The following DLG2 variants were observed in gnomAD, a reference collection of about 807,000 sequenced individuals.
The protein encoded by DLG2 is disks large homolog 2.
Under a neutral mutation model 132.5 loss-of-function variants are expected in DLG2, and 45 were observed. That is an observed-to-expected ratio of 0.34 (90% CI 0.27 to 0.44). The LOEUF (loss-of-function observed/expected upper bound fraction) is 0.44. Ranked by LOEUF, DLG2 falls within the 20% of genes least tolerant of loss-of-function variation. The pLI is 1.00. For missense variants in DLG2, 1,045 were observed against 1,196.9 expected, an observed-to-expected ratio of 0.87 and a Z score of 1.87; for synonymous variants, 424 against 419.6, an observed-to-expected ratio of 1.01 and a Z score of -0.13.
chr11:84,483,891 C>T (rs768443017), intron 7 of DLG2, among the ~76,000 whole-genome samples: 1 of 152,122 alleles, frequency 6.6e-6, no homozygotes, highest in Non-Finnish European at 1.5e-5. Flanking sequence ...CAACTCTTGC[C>T]AGAGGCAAGG....
chr11:84,830,125 G>A (rs2078840564), intron 6 of DLG2, among the ~76,000 whole-genome samples: 1 of 151,606 alleles, frequency 6.6e-6, no homozygotes, highest in African/African-American at 2.4e-5. Flanking sequence ...ATTATGCTTA[G>A]TGATATTTAC....
intron 6 of DLG2, among the ~76,000 whole-genome samples, chr11:85,078,761 G>T (rs191226488): frequency 6.4e-4 from 97 of 152,154 alleles, no homozygotes; most frequent in Non-Finnish European, 1.2e-3. Flanking sequence ...AGGTTAAGAT[G>T]AGAACTGAGA....
intron 6 of DLG2, among the ~76,000 whole-genome samples, chr11:84,692,920 C>T (rs55889308): frequency 0.015 from 2,225 of 151,792 alleles, 64 homozygotes; most frequent in African/African-American, 0.05. Flanking sequence ...TTCACTACAA[C>T]GGAAAGGGAA....
At chr11:84,908,388 T>C (rs751973553) in intron 6 of DLG2, among the ~76,000 whole-genome samples, 1 of 152,170 alleles carries the variant, frequency 6.6e-6, no homozygotes, top group Non-Finnish European at 1.5e-5. Context: ...AGACTACCAA[T>C]ACCTCAAGTG....
rs532195646 is a variant in DLG2, at chr11:83,663,837, G to A, written c.1826-30512C>T. Among the ~76,000 whole-genome samples the A allele has an allele frequency of 2.6e-5, 4 of 152,278 alleles. No individual in the cohort carries two copies. The South Asian group carries it at 8.3e-4, about 32-fold the overall frequency. The stretch of plus-strand genomic sequence containing the variant: ...CAGTTGTCAAGGGCATTGTAATTCC[G>A]AGGCAGATAGAAATAAGAATCCATC... On this transcript the variant is annotated intron_variant, in intron 18 of 27. Transcript: ENST00000376104.
rs115956341 is a variant in DLG2 at position 84,858,008 on chromosome 11, T to C, written c.357+253653A>G. ...TCCAGACTCAAGCTATCCACCTTTTTTAGCCTCTTGAATAGCTGGGACCAC... is the reference window on the plus strand; with the variant it reads ...TCCAGACTCAAGCTATCCACCTTTTCTAGCCTCTTGAATAGCTGGGACCAC... On this transcript the variant is annotated intron_variant, in intron 6 of 27. Coordinates refer to ENST00000376104, the MANE Select transcript of DLG2 (RefSeq NM_001142699.3). Among the ~76,000 whole-genome samples the C allele has an allele frequency of 4.5e-3, 688 of 152,122 alleles. 6 individuals are homozygous for C. The highest frequency in any genetic ancestry group is 0.016 in the African/African-American group (669 of 41,500).
chr11:85,428,125 A>T (rs1237414558), intron 3 of DLG2, among the ~76,000 whole-genome samples: 1 of 152,238 alleles, frequency 6.6e-6, no homozygotes, highest in Non-Finnish European at 1.5e-5. Context: ...AGATTCATAA[A>T]GCAAGTCCTG....
At chr11:85,568,359 G>C (rs2077650836) in intron 3 of DLG2, among the ~76,000 whole-genome samples, 1 of 151,994 alleles carries the variant, frequency 6.6e-6, no homozygotes, top group African/African-American at 2.4e-5. Flanking sequence ...TTTTGCATCT[G>C]TATTCATAAG....
intron 8 of DLG2, among the ~76,000 whole-genome samples, chr11:84,231,354 A>C (rs1467045616): frequency 1.3e-5 from 2 of 152,150 alleles, no homozygotes; most frequent in African/African-American, 4.8e-5. Flanking sequence ...AGGGGAAAAA[A>C]ATCATTTTTT....
At chr11:85,350,554 A>C (rs1300595466) in intron 3 of DLG2, among the ~76,000 whole-genome samples, 5 of 152,164 alleles carry the variant, frequency 3.3e-5, no homozygotes, top group Non-Finnish European at 7.3e-5. Context: ...CTAACATTTA[A>C]GTCTCTAATC....
intron 7 of DLG2, among the ~76,000 whole-genome samples, chr11:84,387,270 G>A (rs762915096): frequency 2.0e-5 from 3 of 151,950 alleles, no homozygotes; most frequent in Non-Finnish European, 4.4e-5. Context: ...TACAGCAAAG[G>A]TGATGGATGT....
intron 21 of DLG2, among the ~76,000 whole-genome samples, chr11:83,522,528 G>GA (rs11304319): frequency 1.5e-4 from 22 of 149,272 alleles, no homozygotes; most frequent in African/African-American, 3.0e-4. Context: ...ACAACCTATA[G>GA]AAAAAAAAAA....
chr11:83,979,971 CA>C (rs966971478), intron 12 of DLG2, among the ~76,000 whole-genome samples: 1 of 152,138 alleles, frequency 6.6e-6, no homozygotes, highest in African/African-American at 2.4e-5. Context: ...AAAATGTCAA[CA>C]AAATAGATAC....
chr11:85,079,026 GGGGGGTC>G (rs2066906502), intron 6 of DLG2, among the ~76,000 whole-genome samples: 1 of 152,020 alleles, frequency 6.6e-6, no homozygotes, highest in African/African-American at 2.4e-5. Flanking sequence ...TGTTTTAGGG[GGGGGGTC>G]TGAGACATCA....
At chr11:84,415,970 C>A (rs1231452165) in intron 7 of DLG2, among the ~76,000 whole-genome samples, 2 of 152,078 alleles carry the variant, frequency 1.3e-5, no homozygotes, top group Non-Finnish European at 2.9e-5. Context: ...TTTCCTCCTT[C>A]TCTAATAATT....
At chr11:84,559,522 A>G (rs1054574845) in intron 6 of DLG2, among the ~76,000 whole-genome samples, 9 of 152,170 alleles carry the variant, frequency 5.9e-5, no homozygotes, top group Admixed American at 3.9e-4. Flanking sequence ...TTCAGCAAAC[A>G]TATTATTGAT....
At chr11:84,734,676 T>G (rs994779135) in intron 6 of DLG2, among the ~76,000 whole-genome samples, 3 of 152,136 alleles carry the variant, frequency 2.0e-5, no homozygotes, top group Non-Finnish European at 4.4e-5. Context: ...AACACTATGT[T>G]GAATAGGAGT....
intron 6 of DLG2, among the ~76,000 whole-genome samples, chr11:85,056,020 C>G (rs1049650749): frequency 5.9e-5 from 9 of 152,008 alleles, no homozygotes; most frequent in African/African-American, 2.2e-4. Flanking sequence ...TAAGTAAAAC[C>G]TCTCCAAAGA....
chr11:83,695,518 G>A (rs1296474672), intron 18 of DLG2, among the ~76,000 whole-genome samples: 1 of 152,100 alleles, frequency 6.6e-6, no homozygotes, highest in African/African-American at 2.4e-5. Flanking sequence ...CGAGGTGGGT[G>A]GATCACCTGA....
Sources: allele counts gnomAD v4.1 joint callset (sites outside exome capture counted in the v4.1 genomes callset), GRCh38; gene constraint gnomAD v4.1.1; transcripts MANE v1.5; gene names NCBI Gene and HGNC (gene_info 2026-07-23, HGNC 2026-07-21).